ZNF454: variants seen among roughly 807,000 people sequenced by gnomAD.
ZNF454 encodes zinc finger protein 454.
Under a neutral mutation model 48.2 loss-of-function variants are expected in ZNF454, and 30 were observed. That is an observed-to-expected ratio of 0.62 (90% CI 0.47 to 0.84). The LOEUF (loss-of-function observed/expected upper bound fraction) is 0.84. ZNF454 is among the 40% of genes least tolerant of loss of function. The probability of loss-of-function intolerance (pLI) is 0.00; values close to 1 mark genes in which losing one functional copy is unlikely to be tolerated. For missense variants in ZNF454, 510 were observed against 623.1 expected (o/e 0.82, Z 1.93); for synonymous variants, 204 against 211.4 (o/e 0.97, Z 0.30).
At position 178,946,947 on chromosome 5, in the gene ZNF454, G is replaced by A. The variant is rs1316356596; in HGVS notation, c.211G>A (p.Val71Met). ...GTTTTCCCAGCTAGAAAAAAGGGAA[G>A]TGTGGATGCCAGAGGACACCCCTGG... ...DTFSQLEKRE[V>M]WMPEDTPGGF... Residue 71 changes from valine to methionine, a missense_variant, in exon 4 of 5, where the codon GTG becomes ATG. Val to Met is a conservative substitution (Grantham distance 21). Around this residue, in one of 3 missense-constraint regions of ZNF454, gnomAD observed 354 missense variants for 408.9 expected, o/e 0.87. Coordinates refer to ENST00000519564, the MANE Select transcript of ZNF454 (RefSeq NM_001178089.3). The surrounding 1 kb of genome is among the most constrained non-coding windows in gnomAD (Gnocchi z 4.5). 1.2e-6 allele frequency: 2 copies of A among 1,614,118 alleles called. No individual in the cohort carries two copies. Among genetic ancestry groups the A allele is most frequent in the Non-Finnish European group, 1.7e-6 (2 of 1,180,006 alleles).
At chr5:178,966,956 CT>C (rs758894934), downstream of ZNF454, among the ~76,000 whole-genome samples, 15 of 152,202 alleles carry the variant, frequency 9.9e-5, no homozygotes, top group Non-Finnish European at 8.8e-5. Flanking sequence ...ATCACTGCCC[CT>C]ATGGGGAGTG....
At chr5:178,985,786 G>C in the ZNF454 span, 1 of 506,286 alleles carries the variant, frequency 2.0e-6, no homozygotes, top group South Asian at 1.6e-5. Context: ...TTTTGAGACA[G>C]GGTCTTACTC....
Position 178,944,640 on chromosome 5 carries a change from T to C in ZNF454, c.34-1719T>C, listed in dbSNP as rs892260470. Among the ~76,000 whole-genome samples, 2 of 152,218 alleles carry C rather than the reference T, an allele frequency of 1.3e-5. No homozygotes were observed. The highest frequency in any genetic ancestry group is 2.9e-5 in the Non-Finnish European group (2 of 68,036). ...GAAGCAGGCACTGACTGGAAAGATA[T>C]GGAGGTGTTCCCCCAAATGCAAAGG... On this transcript the variant is annotated intron_variant, in intron 2 of 4. Coordinates refer to ENST00000519564, the MANE Select transcript of ZNF454 (RefSeq NM_001178089.3). This position sits in a 1 kb window ranked among gnomAD's most constrained non-coding sequence, Gnocchi z 4.1.
rs774696854 is a variant in ZNF454 at position 178,946,515 on chromosome 5, C to T, written c.160+30C>T. The T allele has an allele frequency of 5.1e-6, 8 of 1,573,860 alleles. No homozygotes were observed. The highest frequency in any genetic ancestry group is 6.9e-6 in the Non-Finnish European group (8 of 1,164,962). On this transcript the variant is annotated intron_variant, in intron 3 of 4. Transcript: ENST00000519564. This position sits in a 1 kb window ranked among gnomAD's most constrained non-coding sequence, Gnocchi z 4.5. ...GTGGGACCCCTGCAAGGTTTCTCTT[C>T]ACTTTTGGGGATCTCTTTGGGACCC...
the ZNF454 span, chr5:178,986,387 GCT>G: frequency 1.9e-6 from 3 of 1,613,894 alleles, no homozygotes. Flanking sequence ...ACGTAGCTGA[GCT>G]CTCGGCCCGA....
chr5:178,977,086 C>T, the ZNF454 span, among the ~76,000 whole-genome samples: 3 of 152,044 alleles, frequency 2.0e-5, no homozygotes, highest in Non-Finnish European at 2.9e-5. Context: ...ACCACGGTGC[C>T]ATGGAACGGT....
downstream of ZNF454, among the ~76,000 whole-genome samples, chr5:178,966,758 T>C (rs200106339): frequency 3.9e-5 from 6 of 151,920 alleles, no homozygotes; most frequent in East Asian, 1.2e-3. Flanking sequence ...ACACCCAGTG[T>C]AGAGAAAGTA....
In ZNF454 at chr5:178,941,650, CA is replaced by C. The variant is rs1759093809; in HGVS notation, c.-108+208del. Among the ~76,000 whole-genome samples, 1 of 152,138 alleles carries C rather than the reference CA, an allele frequency of 6.6e-6. No individual in the cohort carries two copies. Among genetic ancestry groups the C allele is most frequent in the African/African-American group, 2.4e-5 (1 of 41,432 alleles). On this transcript the variant is annotated intron_variant, in intron 1 of 4. Transcript: ENST00000519564. This position sits in a 1 kb window ranked among gnomAD's most constrained non-coding sequence, Gnocchi z 5.5. ...TCCGAGTCCTGCGCCAGGAACTCGC[CA>C]AGGCCGGAGGCAGCCGCTGCGCAGC... is the stretch of plus-strand genomic sequence containing the variant.
chr5:178,947,913 T>TTTA (rs1281785813), intron 4 of ZNF454, among the ~76,000 whole-genome samples: 4 of 152,172 alleles, frequency 2.6e-5, no homozygotes, highest in African/African-American at 9.7e-5. Flanking sequence ...TAAATATCTC[T>TTTA]TTATTTTTTT....
chr5:178,960,083 G>T (rs963023075), intron 4 of ZNF454, among the ~76,000 whole-genome samples: 2 of 151,104 alleles, frequency 1.3e-5, no homozygotes, highest in Admixed American at 1.3e-4. Flanking sequence ...CTGAGTAGCT[G>T]GGACTACAGG....
At chr5:178,982,919 T>C in the ZNF454 span, 9 of 1,613,624 alleles carry the variant, frequency 5.6e-6, no homozygotes, top group South Asian at 8.8e-5. Flanking sequence ...CCTTTTCAGC[T>C]GACTGGGCAG....
chr5:178,952,163 G>A (rs569668639), intron 4 of ZNF454, among the ~76,000 whole-genome samples: 9 of 151,110 alleles, frequency 6.0e-5, no homozygotes, highest in South Asian at 2.1e-4. Context: ...TCAGCCTCCC[G>A]AGTAGCTGGG....
chr5:178,966,144 C>T lies in ZNF454; in HGVS notation c.*171C>T. 1 of 614,226 alleles carries T rather than the reference C, an allele frequency of 1.6e-6. No individual in the cohort carries two copies. Among genetic ancestry groups the T allele is most frequent in the South Asian group, 3.0e-5 (1 of 33,680 alleles). 38.0% of individuals were successfully genotyped at this position (614,226 alleles called of 1,614,324 possible). On this transcript the variant is annotated 3_prime_UTR_variant, in exon 5 of 5. Transcript: ENST00000519564. ...GGTTTGGGCATTTAAGAATGGCAAA[C>T]ACTCGGCTGGGCACAGTGGCTCACG...
the ZNF454 span, among the ~76,000 whole-genome samples, chr5:178,975,459 A>G: frequency 6.6e-6 from 1 of 152,192 alleles, no homozygotes; most frequent in African/African-American, 2.4e-5. Flanking sequence ...TGTTGTTTCA[A>G]TGAATAAAGG....
At chr5:178,985,342 G>C in the ZNF454 span, 2 of 443,584 alleles carry the variant, frequency 4.5e-6, no homozygotes, top group African/African-American at 4.1e-5. Context: ...CCCAGCAGGG[G>C]AGATGGCGGC....
chr5:178,987,056 A>G, the ZNF454 span: 2 of 1,481,212 alleles, frequency 1.4e-6, no homozygotes, highest in South Asian at 2.3e-5. Context: ...GGCCCCAGGG[A>G]CCAGCAGGAG....
chr5:178,989,215 T>TGCCCCC, the ZNF454 span: 8 of 886,654 alleles, frequency 9.0e-6, no homozygotes, highest in East Asian at 3.3e-5. Flanking sequence ...CTCCCCACCC[T>TGCCCCC]CACCACCCTC....
chr5:178,964,631 A>G (rs2113278462), intron 4 of ZNF454, 24 bp from the exon 5 acceptor site: 1 of 1,581,128 alleles, frequency 6.3e-7, no homozygotes, highest in Middle Eastern at 1.8e-4. Flanking sequence ...TAAAACAGAC[A>G]TTTTTATTTT....
intron 4 of ZNF454, among the ~76,000 whole-genome samples, chr5:178,953,436 C>A (rs1335768921): frequency 6.6e-6 from 1 of 152,082 alleles, no homozygotes; most frequent in Non-Finnish European, 1.5e-5. Context: ...TTTTCTGGAG[C>A]CTTCTGACCT....
Sources: gnomAD v4.1 joint callset for allele counts (sites outside exome capture counted in the v4.1 genomes callset) on GRCh38, gnomAD v4.1.1 for gene constraint, gnomAD v4.1.1 regional missense constraint, Gnocchi (gnomAD v3.1) non-coding constraint, MANE v1.5 for transcripts, NCBI Gene and HGNC (gene_info 2026-07-23, HGNC 2026-07-21) for gene names.